Variants in RBM27 observed in about 807,000 individuals in gnomAD.
RBM27 encodes RNA-binding protein 27.
A neutral mutation model predicts 135.3 loss-of-function variants in RBM27; 22 were observed. The ratio of observed to expected loss-of-function variants is 0.16; its 90% confidence interval spans 0.12 to 0.23. The LOEUF is 0.23. RBM27 is among the 10% of genes least tolerant of loss of function. RBM27 has a pLI of 1.00. For missense variants in RBM27, 1,009 were observed against 1,281.0 expected (o/e 0.79, Z 3.24); for synonymous variants, 481 against 442.4 (o/e 1.09, Z -1.10).
intron 10 of RBM27, among the ~76,000 whole-genome samples, chr5:146,256,281 A>ATATATATATTTTATATATATATTATT (rs930063366): frequency 2.7e-5 from 4 of 146,876 alleles, no homozygotes; most frequent in African/African-American, 9.9e-5. Flanking sequence ...GCCTTCTCAT[A>ATATATATATTTTATATATATATTATT]TATATATATT....
intron 7 of RBM27, 93 bp from the exon 8 acceptor site, chr5:146,237,205 C>G (rs780888680): frequency 1.3e-6 from 2 of 1,485,464 alleles, no homozygotes; most frequent in South Asian, 1.2e-5. Flanking sequence ...TCCCACAGTT[C>G]TGGATTACAG....
chr5:146,224,579 G>T (rs1756586166), intron 3 of RBM27, among the ~76,000 whole-genome samples: 1 of 152,034 alleles, frequency 6.6e-6, no homozygotes, highest in Admixed American at 6.6e-5. Flanking sequence ...TTACTTGGGA[G>T]GCTGAGGCAG....
In RBM27 at chr5:146,229,876, G is replaced by T. The variant is rs367730656; in HGVS notation, c.555G>T (p.Gly185=). The change falls in exon 5 of 21, where the codon GGG becomes GGT. Residue 185 remains glycine, a synonymous_variant. Coordinates refer to ENST00000265271, the MANE Select transcript of RBM27 (RefSeq NM_018989.2). ...GLSRSRSRSR[G]RSKDRDPNRN... is the part of the protein sequence containing the mutation. ...GTCGCAGTAGAAGCCGAAGTAGGGG[G>T]CGCAGCAAAGACCGGGATCCAAATA... 2.5e-6 allele frequency: 4 copies of T among 1,613,812 alleles called. No homozygotes were observed. The African/African-American group carries it at 5.3e-5, about 22-fold the overall frequency.
At chr5:146,242,365 C>T (rs1757441433) in intron 8 of RBM27, among the ~76,000 whole-genome samples, 1 of 152,218 alleles carries the variant, frequency 6.6e-6, no homozygotes, top group Non-Finnish European at 1.5e-5. Context: ...TTATATGCTG[C>T]ATCAGTGTTG....
chr5:146,271,633 T>C lies in RBM27; in HGVS notation c.2947T>C (p.Phe983Leu), dbSNP rs762461314. The C allele has an allele frequency of 6.2e-7, 1 of 1,613,680 alleles. No homozygotes were observed. Among genetic ancestry groups the C allele is most frequent in the Non-Finnish European group, 8.5e-7 (1 of 1,179,860 alleles). ...HRPKALTVGG[F>L]IEEEKEDLLQ... Reference sequence around the variant, plus strand: ...TCCCAAAGCACTAACAGTTGGAGGATTCATTGAGGAAGAAAAAGAAGACTT... The same window carrying C: ...TCCCAAAGCACTAACAGTTGGAGGACTCATTGAGGAAGAAAAAGAAGACTT... Residue 983 changes from phenylalanine to leucine, a missense_variant, in exon 19 of 21, where the codon TTC (phenylalanine) becomes CTC (leucine). Transcript: ENST00000265271.
At chr5:146,238,956 G>A (rs575813499) in intron 8 of RBM27, among the ~76,000 whole-genome samples, 1 of 152,108 alleles carries the variant, frequency 6.6e-6, no homozygotes, top group East Asian at 1.9e-4. Context: ...TACATCTAAA[G>A]CATCTAAAAA....
intron 3 of RBM27, among the ~76,000 whole-genome samples, chr5:146,225,646 A>G (rs963859863): frequency 2.0e-5 from 3 of 151,480 alleles, no homozygotes; most frequent in Admixed American, 6.6e-5. Context: ...GCTCACTGCA[A>G]CTTCCACCTC....
At chr5:146,242,987 T>C (rs911677609) in intron 8 of RBM27, among the ~76,000 whole-genome samples, 1 of 152,122 alleles carries the variant, frequency 6.6e-6, no homozygotes, top group Non-Finnish European at 1.5e-5. Context: ...GCTTTTGGGC[T>C]GGGCATGGTG....
rs1758483542 is a variant in RBM27, at chr5:146,263,523, T to C, written c.2223T>C (p.Tyr741=). 2 of 1,614,044 alleles carry C rather than the reference T, an allele frequency of 1.2e-6. No homozygotes were observed. The highest frequency in any genetic ancestry group is 1.1e-5 in the South Asian group (1 of 91,070). ...GCAAACCACAGACATCAGGTGCATA[T>C]GTTCTTAACAAAGTTCCTGTTAAAC... ...MMSKPQTSGA[Y]VLNKVPVKHR... is the part of the protein sequence containing the mutation. The change falls in exon 14 of 21, where the codon TAT becomes TAC. Residue 741 remains tyrosine (Y), a synonymous_variant. Coordinates refer to ENST00000265271, the MANE Select transcript of RBM27 (RefSeq NM_018989.2).
chr5:146,213,186 ACCGC>A (rs1756040669), intron 1 of RBM27, among the ~76,000 whole-genome samples: 2 of 150,986 alleles, frequency 1.3e-5, no homozygotes, highest in African/African-American at 4.9e-5. Context: ...CACTGCAACC[ACCGC>A]CTCCCGGGTT....
chr5:146,233,389 G>A, intron 6 of RBM27, 61 bp from the exon 7 acceptor site: 2 of 1,477,742 alleles, frequency 1.4e-6, no homozygotes, highest in South Asian at 1.5e-5. Flanking sequence ...GACATGTTTT[G>A]TTGTTTTCTG....
intron 8 of RBM27, among the ~76,000 whole-genome samples, chr5:146,244,339 G>C (rs1225034939): frequency 6.6e-6 from 1 of 152,082 alleles, no homozygotes; most frequent in Non-Finnish European, 1.5e-5. Flanking sequence ...ACAGCAGAGA[G>C]AAGTAAGACC....
intron 13 of RBM27, among the ~76,000 whole-genome samples, chr5:146,263,253 G>T (rs1424071623): frequency 6.6e-6 from 1 of 151,972 alleles, no homozygotes; most frequent in East Asian, 1.9e-4. Flanking sequence ...TGGTTTTTTT[G>T]TGTGTAGGTG....
chr5:146,278,878 C>T (rs971271843), intron 19 of RBM27, among the ~76,000 whole-genome samples: 12 of 151,814 alleles, frequency 7.9e-5, no homozygotes, highest in African/African-American at 2.4e-4. Flanking sequence ...CTCGCCACCA[C>T]GCCTGGCTAA....
intron 10 of RBM27, among the ~76,000 whole-genome samples, chr5:146,258,115 G>A (rs1176650632): frequency 2.0e-5 from 3 of 151,946 alleles, no homozygotes; most frequent in Non-Finnish European, 2.9e-5. Context: ...CACCGTGCCT[G>A]GCCCAGAGCT....
chr5:146,235,337 C>T (rs1267695353), intron 7 of RBM27, among the ~76,000 whole-genome samples: 1 of 151,996 alleles, frequency 6.6e-6, no homozygotes, highest in Non-Finnish European at 1.5e-5. Context: ...TGGCAGATCA[C>T]TTGAGCTCAT....
At chr5:146,260,656 A>C in intron 11 of RBM27, 89 bp from the exon 12 acceptor site, 1 of 1,224,424 alleles carries the variant, frequency 8.2e-7, no homozygotes, top group Non-Finnish European at 1.1e-6. Context: ...GCACTTAAAA[A>C]AATTATAAAC....
At chr5:146,221,884 T>C (rs888928271) in intron 2 of RBM27, among the ~76,000 whole-genome samples, 143 of 142,892 alleles carry the variant, frequency 1.0e-3, no homozygotes, top group Non-Finnish European at 4.8e-4. Context: ...ACATACTCTT[T>C]TATAATAACA....
chr5:146,203,830 T>C lies in RBM27; in HGVS notation c.59+6T>C, dbSNP rs1755492489. On this transcript the variant is annotated splice_donor_region_variant and intron_variant, in intron 1 of 20. Coordinates refer to ENST00000265271, the MANE Select transcript of RBM27 (RefSeq NM_018989.2). ...GCCAAGTTACTGGAGCCGATGTGAG[T>C]GAGCCGGGCTGGGCCGGGGCCGGCG... 1 of 1,396,088 alleles carries C rather than the reference T, an allele frequency of 7.2e-7. No homozygotes were observed. The highest frequency in any genetic ancestry group is 1.6e-5 in the African/African-American group (1 of 62,326). 86.5% of individuals were successfully genotyped at this position (1,396,088 alleles called of 1,614,324 possible).
Sources: gnomAD v4.1 joint callset for allele counts (sites outside exome capture counted in the v4.1 genomes callset) on GRCh38, gnomAD v4.1.1 for gene constraint, MANE v1.5 for transcripts, NCBI Gene and HGNC (gene_info 2026-07-23, HGNC 2026-07-21) for gene names.